HSPA12A: variants seen among roughly 807,000 people sequenced by gnomAD.
HSPA12A encodes the protein heat shock 70 kDa protein 12A.
In HSPA12A, 28 loss-of-function variants were observed where a neutral mutation model predicts 69.2. That is an observed-to-expected ratio of 0.40 (90% CI 0.30 to 0.55). The LOEUF is 0.55. HSPA12A is among the 20% of genes least tolerant of loss of function. HSPA12A has a pLI of 0.38. For synonymous variants in HSPA12A, 345 were observed against 370.5 expected, an observed-to-expected ratio of 0.93 and a Z score of 0.79; for missense variants, 686 against 900.7, an observed-to-expected ratio of 0.76 and a Z score of 3.05.
At chr10:116,788,258 G>C (rs529343788) in intron 2 of HSPA12A, among the ~76,000 whole-genome samples, 1 of 152,298 alleles carries the variant, frequency 6.6e-6, no homozygotes, top group East Asian at 1.9e-4. Flanking sequence ...TGGTGGAGCT[G>C]GTGAACTGCG....
chr10:116,830,217 G>A (rs1331244424), intron 2 of HSPA12A: 2 of 152,130 alleles, frequency 1.3e-5, no homozygotes, highest in African/African-American at 4.8e-5. Context: ...CAAGAGCTTA[G>A]AGGTTTGTCT....
At chr10:116,842,069 T>C (rs1018738314) in intron 1 of HSPA12A, among the ~76,000 whole-genome samples, 2 of 152,236 alleles carry the variant, frequency 1.3e-5, no homozygotes, top group African/African-American at 4.8e-5. Flanking sequence ...TCTTTTGATT[T>C]TGCTAATAAC....
intron 1 of HSPA12A, among the ~76,000 whole-genome samples, chr10:116,740,306 G>A (rs1353754803): frequency 1.3e-5 from 2 of 152,178 alleles, no homozygotes; most frequent in Non-Finnish European, 2.9e-5. Flanking sequence ...AATAATGCAC[G>A]CTCTTTTCCC....
intron 1 of HSPA12A, among the ~76,000 whole-genome samples, chr10:116,740,767 G>A (rs1449941212): frequency 6.6e-6 from 1 of 151,158 alleles, no homozygotes; most frequent in Non-Finnish European, 1.5e-5. Context: ...GGAAAGGTGT[G>A]GGGAGTGGGT....
chr10:116,809,362 C>T (rs1029932004), intron 2 of HSPA12A, among the ~76,000 whole-genome samples: 4 of 152,164 alleles, frequency 2.6e-5, no homozygotes, highest in Non-Finnish European at 5.9e-5. Context: ...GCAAAAGCTC[C>T]GGAGTCAGAC....
chr10:116,723,591 C>A lies in HSPA12A; in HGVS notation c.41-16306G>T, dbSNP rs1187421723. ...GCTGTGGAGACCACAAGGGGTGACC[C>A]ATAAGGAAACTCCAGCACCGAGCTG... On this transcript the variant is annotated intron_variant, in intron 1 of 11. Coordinates refer to ENST00000369209, the MANE Select transcript of HSPA12A (RefSeq NM_025015.3). The surrounding 1 kb of genome is among the most constrained non-coding windows in gnomAD (Gnocchi z 4.1). Among the ~76,000 whole-genome samples the A allele has an allele frequency of 1.3e-5, 2 of 152,184 alleles. No individual in the cohort carries two copies. The highest frequency in any genetic ancestry group is 2.9e-5 in the Non-Finnish European group (2 of 68,034).
At chr10:116,727,931 T>TA (rs1554885255) in intron 1 of HSPA12A, among the ~76,000 whole-genome samples, 1 of 151,792 alleles carries the variant, frequency 6.6e-6, no homozygotes, top group Non-Finnish European at 1.5e-5. Flanking sequence ...CTAATTTTTT[T>TA]GGGGGGGGGA....
At chr10:116,693,989 G>C (rs534085137) in intron 5 of HSPA12A, among the ~76,000 whole-genome samples, 3 of 152,316 alleles carry the variant, frequency 2.0e-5, no homozygotes, top group South Asian at 4.1e-4. Context: ...AAGCAGGTGA[G>C]GGTATGATGT....
intron 1 of HSPA12A, among the ~76,000 whole-genome samples, chr10:116,722,402 C>G (rs1850809594): frequency 6.6e-6 from 1 of 152,188 alleles, no homozygotes; most frequent in South Asian, 2.1e-4. Context: ...CCAACCAACC[C>G]TTGTCTCCCT....
chr10:116,761,487 C>CAA (rs782209921), intron 2 of HSPA12A, among the ~76,000 whole-genome samples: 4 of 90,470 alleles, frequency 4.4e-5, no homozygotes, highest in South Asian at 3.5e-4. Flanking sequence ...GACTCCATCT[C>CAA]AAAAAAAAAA....
Position 116,723,085 on chromosome 10 carries a change from C to T in HSPA12A, c.41-15800G>A, listed in dbSNP as rs539299859. Among the ~76,000 whole-genome samples the T allele has an allele frequency of 6.6e-6, 1 of 152,270 alleles. No homozygotes were observed. Among genetic ancestry groups the T allele is most frequent in the East Asian group, 1.9e-4 (1 of 5,172 alleles). Reference sequence around the variant, plus strand: ...GCCTCCAGGCTGTCCCACTGGATCACATCACAACCACCACCATCATCATGT... The same window carrying T: ...GCCTCCAGGCTGTCCCACTGGATCATATCACAACCACCACCATCATCATGT... On this transcript the variant is annotated intron_variant, in intron 1 of 11. Transcript: ENST00000369209. The surrounding 1 kb of genome is among the most constrained non-coding windows in gnomAD (Gnocchi z 4.1).
intron 1 of HSPA12A, among the ~76,000 whole-genome samples, chr10:116,709,184 C>T (rs911719967): frequency 7.2e-5 from 11 of 152,160 alleles, no homozygotes; most frequent in African/African-American, 2.4e-4. Context: ...CGGTGGCTCA[C>T]GCCTATAATC....
intron 1 of HSPA12A, among the ~76,000 whole-genome samples, chr10:116,724,411 G>A (rs1554884748): frequency 6.6e-6 from 1 of 152,142 alleles, no homozygotes; most frequent in African/African-American, 2.4e-5. Context: ...GGGCACTTAA[G>A]GGCCATGGGG....
chr10:116,692,870 C>T (rs1033450216), intron 5 of HSPA12A, among the ~76,000 whole-genome samples: 4 of 152,300 alleles, frequency 2.6e-5, no homozygotes, highest in African/African-American at 9.6e-5. Context: ...GTGCTTATCA[C>T]GTATCTGCCA....
chr10:116,822,622 G>T (rs113511909), intron 2 of HSPA12A, among the ~76,000 whole-genome samples: 1,883 of 152,256 alleles, frequency 0.012, 27 homozygotes, highest in African/African-American at 0.039. Context: ...GGTTGGATAC[G>T]GTTCTTCAGA....
At chr10:116,749,308 A>G (rs1554888081) in intron 2 of HSPA12A, among the ~76,000 whole-genome samples, 1 of 152,174 alleles carries the variant, frequency 6.6e-6, no homozygotes, top group Non-Finnish European at 1.5e-5. Flanking sequence ...AACATTTATC[A>G]AGCACCTGCT....
intron 2 of HSPA12A, chr10:116,750,617 G>A (rs1225748137): frequency 3.5e-6 from 1 of 283,610 alleles, no homozygotes. Context: ...AGGAGGTGTA[G>A]AAGAGAGTAA....
intron 2 of HSPA12A, among the ~76,000 whole-genome samples, chr10:116,815,845 C>T (rs757100272): frequency 6.6e-6 from 1 of 152,160 alleles, no homozygotes; most frequent in Non-Finnish European, 1.5e-5. Flanking sequence ...GGGCTGTATT[C>T]CCAAGCAGTG....
intron 2 of HSPA12A, among the ~76,000 whole-genome samples, chr10:116,796,820 C>A (rs1265313093): frequency 2.6e-5 from 4 of 152,134 alleles, no homozygotes; most frequent in African/African-American, 9.7e-5. Context: ...GGGTGACTGA[C>A]CTTTCTGATT....
Sources: gnomAD v4.1 joint callset for allele counts (sites outside exome capture counted in the v4.1 genomes callset) on GRCh38, gnomAD v4.1.1 for gene constraint, Gnocchi (gnomAD v3.1) non-coding constraint, MANE v1.5 for transcripts, NCBI Gene and HGNC (gene_info 2026-07-23, HGNC 2026-07-21) for gene names.